Variants in PTPN6 observed in about 807,000 individuals in gnomAD.
The protein encoded by PTPN6 is protein tyrosine phosphatase non-receptor type 6, also known as tyrosine-protein phosphatase non-receptor type 6.
In PTPN6, 18 loss-of-function variants were observed where a neutral mutation model predicts 81.5. The observed-to-expected ratio is 0.22, with a 90% confidence interval of 0.15 to 0.33. The LOEUF is 0.33. Ranked by LOEUF, PTPN6 falls within the 10% of genes least tolerant of loss-of-function variation. The pLI is 1.00. For missense variants in PTPN6, 500 were observed against 794.2 expected (o/e 0.63, Z 4.45); for synonymous variants, 301 against 310.9 (o/e 0.97, Z 0.33).
upstream of PTPN6, among the ~76,000 whole-genome samples, chr12:6,948,281 T>G (rs1591680552): frequency 2.0e-5 from 3 of 151,782 alleles, no homozygotes; most frequent in East Asian, 3.9e-4. Context: ...CTACTACTAC[T>G]AATAAATAGC....
chr12:6,959,102 A>C lies in PTPN6; in HGVS notation c.1362-825A>C, dbSNP rs1270948343. ...CAGCTGTTTGTCCTGGGACAGGGCAAGTCGGCTGAATCTAGAGGTGCCCCC... is the reference window on the plus strand; with the variant it reads ...CAGCTGTTTGTCCTGGGACAGGGCACGTCGGCTGAATCTAGAGGTGCCCCC... On this transcript the variant is annotated intron_variant, in intron 11 of 15. Transcript: ENST00000318974. The surrounding 1 kb of genome is among the most constrained non-coding windows in gnomAD (Gnocchi z 6.6). Among the ~76,000 whole-genome samples, 2 of 152,198 alleles carry C rather than the reference A, an allele frequency of 1.3e-5. No homozygotes were observed. Among genetic ancestry groups the C allele is most frequent in the Non-Finnish European group, 2.9e-5 (2 of 68,042 alleles).
At position 6,957,633 on chromosome 12, in the gene PTPN6, CACCCG is replaced by C; in HGVS notation, c.1075-16_1075-12del. On this transcript the variant is annotated splice_polypyrimidine_tract_variant and intron_variant, in intron 9 of 15. Transcript: ENST00000318974. The surrounding 1 kb of genome is among the most constrained non-coding windows in gnomAD (Gnocchi z 6.5). ...AGTGCCCTGCTCTGTGCCTCATCCC[CACCCG>C]ACCCTCCCTTTCCAGAACAAATGCG... 6.3e-7 allele frequency: 1 copy of C among 1,596,538 alleles called. No homozygotes were observed. Among genetic ancestry groups the C allele is most frequent in the Non-Finnish European group, 8.6e-7 (1 of 1,167,804 alleles).
rs41301117 is a variant in PTPN6, at chr12:6,956,578, C to T, written c.1074+10C>T. The T allele has an allele frequency of 1.2e-6, 2 of 1,613,172 alleles. No homozygotes were observed. Among genetic ancestry groups the T allele is most frequent in the African/African-American group, 1.3e-5 (1 of 74,932 alleles). ...GGTGGAGAAAGGCCGGGTAGGGCGC[C>T]CCCCCTTCCCCGCATCCGCCCCCGT... On this transcript the variant is annotated intron_variant, in intron 9 of 15. Transcript: ENST00000318974. This position sits in a 1 kb window ranked among gnomAD's most constrained non-coding sequence, Gnocchi z 4.1.
chr12:6,951,658 G>T lies in PTPN6; in HGVS notation c.58G>T (p.Gly20Cys), dbSNP rs377003393. ...SGLDAETLLK[G>C]RGVHGSFLAR... is the part of the protein sequence containing the mutation. ...GCTGGATGCAGAGACCCTGCTCAAG[G>T]GCCGAGGTGTCCACGGTAGCTTCCT... The change falls in exon 2 of 16, where the codon GGC (glycine) becomes TGC (cysteine). Residue 20 changes from glycine to cysteine, a missense_variant. Physicochemically the swap from Gly to Cys is radical, Grantham distance 159 (BLOSUM62 -3). Coordinates refer to ENST00000318974, the MANE Select transcript of PTPN6 (RefSeq NM_002831.6). The surrounding 1 kb of genome is among the most constrained non-coding windows in gnomAD (Gnocchi z 7.2). 7.4e-6 allele frequency: 12 copies of T among 1,613,586 alleles called. No homozygotes were observed. Among genetic ancestry groups the T allele is most frequent in the African/African-American group, 1.3e-5 (1 of 74,808 alleles).
In PTPN6 at chr12:6,956,322, T is replaced by C. The variant is rs1946030060; in HGVS notation, c.925-97T>C. The C allele has an allele frequency of 1.2e-6, 2 of 1,611,134 alleles. No homozygotes were observed. The highest frequency in any genetic ancestry group is 1.7e-6 in the Non-Finnish European group (2 of 1,177,296). On this transcript the variant is annotated intron_variant, in intron 8 of 15. Transcript: ENST00000318974. This position sits in a 1 kb window ranked among gnomAD's most constrained non-coding sequence, Gnocchi z 4.1. ...AGAGACAGCTGGGCAAAGCCGAAGC[T>C]GGCTTCTTGCATGGGTGAGGGTGGC...
chr12:6,956,582 C>CG lies in PTPN6; in HGVS notation c.1074+14_1074+15insG, dbSNP rs1946036370. ...GAGAAAGGCCGGGTAGGGCGCCCCC[C>CG]CTTCCCCGCATCCGCCCCCGTGCTT... On this transcript the variant is annotated intron_variant, in intron 9 of 15. Transcript: ENST00000318974. This position sits in a 1 kb window ranked among gnomAD's most constrained non-coding sequence, Gnocchi z 4.1. The CG allele has an allele frequency of 1.2e-6, 2 of 1,611,180 alleles. No individual in the cohort carries two copies. The highest frequency in any genetic ancestry group is 1.4e-5 in the African/African-American group (1 of 73,048).
chr12:6,946,650 CTG>C (rs1215895768), upstream of PTPN6: 18 of 1,291,256 alleles, frequency 1.4e-5, no homozygotes, highest in South Asian at 2.4e-5. Flanking sequence ...GCTTGGGCCA[CTG>C]TGCACAGCTG....
At chr12:6,946,631 C>T, upstream of PTPN6, 1 of 1,053,192 alleles carries the variant, frequency 9.5e-7, no homozygotes. Context: ...AGCGGTTCTT[C>T]CTCACCTGGC....
chr12:6,950,876 G>T (rs2138256855), upstream of PTPN6, among the ~76,000 whole-genome samples: 1 of 152,270 alleles, frequency 6.6e-6, no homozygotes, highest in South Asian at 2.1e-4. Context: ...CAGGTTCCTT[G>T]TCTGTAAAAT....
chr12:6,948,529 AAG>A (rs1412242443), upstream of PTPN6, among the ~76,000 whole-genome samples: 1 of 151,664 alleles, frequency 6.6e-6, no homozygotes, highest in Non-Finnish European at 1.5e-5. Context: ...AGAAAGAAGA[AAG>A]AAAAGGAAGG....
Position 6,961,138 on chromosome 12 carries a change from C to A in PTPN6, c.*38C>A, listed in dbSNP as rs1946132497. 3.4e-6 allele frequency: 3 copies of A among 882,284 alleles called. No individual in the cohort carries two copies. The highest frequency in any genetic ancestry group is 2.7e-5 in the Admixed American group (1 of 37,376). 54.7% of individuals were successfully genotyped at this position (882,284 alleles called of 1,614,324 possible). A position where few individuals can be genotyped will look rare whatever the true frequency, so the allele number is the denominator to read the frequency against. On this transcript the variant is annotated 3_prime_UTR_variant, in exon 16 of 16. Coordinates refer to ENST00000318974, the MANE Select transcript of PTPN6 (RefSeq NM_002831.6). Reference sequence around the variant, plus strand: ...CTTCTCTTGGCAGCCTCAGCCCTGACCCTGTGGAAGCATTTCGCGATGGAC... The same window carrying A: ...CTTCTCTTGGCAGCCTCAGCCCTGAACCTGTGGAAGCATTTCGCGATGGAC...
Position 6,960,628 on chromosome 12 carries a change from G to A in PTPN6, c.1674-178G>A, listed in dbSNP as rs370156570. ...TGGGCCTCTGCTAGGTACCAGCAGC[G>A]CACTCGTGTATGAGATGTAGCCTCT... is the stretch of plus-strand genomic sequence containing the variant. On this transcript the variant is annotated intron_variant, in intron 14 of 15. Transcript: ENST00000318974. This position sits in a 1 kb window ranked among gnomAD's most constrained non-coding sequence, Gnocchi z 6.1. 2.3e-5 allele frequency: 35 copies of A among 1,519,542 alleles called. No individual in the cohort carries two copies. The highest frequency in any genetic ancestry group is 1.7e-4 in the Middle Eastern group (1 of 5,944). 94.1% of individuals were successfully genotyped at this position (1,519,542 alleles called of 1,614,324 possible).
upstream of PTPN6, among the ~76,000 whole-genome samples, chr12:6,948,449 AAGAG>A (rs1193487882): frequency 1.3e-3 from 199 of 151,036 alleles, 1 homozygote; most frequent in African/African-American, 2.7e-3. Context: ...AAAAAAAAAA[AAGAG>A]AGGGAAGGAA....
At chr12:6,948,563 GA>G (rs1336955662), upstream of PTPN6, among the ~76,000 whole-genome samples, 2 of 149,204 alleles carry the variant, frequency 1.3e-5, no homozygotes, top group African/African-American at 4.9e-5. Flanking sequence ...GAAAAGAAAG[GA>G]AAGAAAAAGA....
rs781903820 is a variant in PTPN6, at chr12:6,960,364, G to A, written c.1602G>A (p.Ser534=). Reference sequence around the variant, plus strand: ...CACAGTCGCAGAAGGGCCAGGAGTCGGAGTACGGGAACATCACCTATCCCC... The same window carrying A: ...CACAGTCGCAGAAGGGCCAGGAGTCAGAGTACGGGAACATCACCTATCCCC... The part of the protein sequence containing the change: ...EVLQSQKGQE[S]EYGNITYPPA... The change falls in exon 14 of 16, where the codon TCG becomes TCA. Residue 534 remains serine (S), a synonymous_variant. Transcript: ENST00000318974. The surrounding 1 kb of genome is among the most constrained non-coding windows in gnomAD (Gnocchi z 6.1). The A allele has an allele frequency of 1.3e-5, 21 of 1,613,508 alleles. No homozygotes were observed. Among genetic ancestry groups the A allele is most frequent in the Middle Eastern group, 1.6e-4 (1 of 6,084 alleles).
At position 6,951,637 on chromosome 12, in the gene PTPN6, GATGCAGA is replaced by G; in HGVS notation, c.38_44del (p.Asp13GlyfsTer35). On this transcript the variant is annotated frameshift_variant, in exon 2 of 16. Coordinates refer to ENST00000318974, the MANE Select transcript of PTPN6 (RefSeq NM_002831.6). LOFTEE classifies it high-confidence loss of function. The surrounding 1 kb of genome is among the most constrained non-coding windows in gnomAD (Gnocchi z 7.2). Reference sequence around the variant, plus strand: ...GTTTCACCGAGACCTCAGTGGGCTGGATGCAGAGACCCTGCTCAAGGGCCGAGGTGTC... The same window carrying G: ...GTTTCACCGAGACCTCAGTGGGCTGGGACCCTGCTCAAGGGCCGAGGTGTC... The G allele has an allele frequency of 6.2e-7, 1 of 1,613,732 alleles. No homozygotes were observed.
In PTPN6 at chr12:6,958,043, C is replaced by G; in HGVS notation, c.1331C>G (p.Pro444Arg). ...ATCAACCAGCGGCAGGAAAGTCTGC[C>G]TCACGCAGGGCCCATCATCGTGCAC... ...DQINQRQESL[P>R]HAGPIIVHCS... The change falls in exon 11 of 16, where the codon CCT becomes CGT. Residue 444 changes from proline to arginine, a missense_variant. By Grantham distance (103) the Pro-to-Arg change is moderately radical. Around this residue, in one of 6 missense-constraint regions of PTPN6, gnomAD observed 226 missense variants for 364.4 expected, o/e 0.62. Coordinates refer to ENST00000318974, the MANE Select transcript of PTPN6 (RefSeq NM_002831.6). 1 of 1,612,908 alleles carries G rather than the reference C, an allele frequency of 6.2e-7. No homozygotes were observed. Among genetic ancestry groups the G allele is most frequent in the South Asian group, 1.1e-5 (1 of 91,088 alleles).
chr12:6,956,703 G>T lies in PTPN6; in HGVS notation c.1074+135G>T. ...GCCCTTGTTGGGAAACTGAGGGCTA[G>T]TGACAAAGTCTCGACTACACAACGT... On this transcript the variant is annotated intron_variant, in intron 9 of 15. Transcript: ENST00000318974. This position sits in a 1 kb window ranked among gnomAD's most constrained non-coding sequence, Gnocchi z 4.1. The T allele has an allele frequency of 8.2e-7, 1 of 1,215,522 alleles. No homozygotes were observed. Among genetic ancestry groups the T allele is most frequent in the Non-Finnish European group, 1.2e-6 (1 of 858,862 alleles). 75.3% of individuals were successfully genotyped at this position (1,215,522 alleles called of 1,614,324 possible). A position where few individuals can be genotyped will look rare whatever the true frequency, so the allele number is the denominator to read the frequency against.
chr12:6,960,443 G>A lies in PTPN6; in HGVS notation c.1673+8G>A. The A allele has an allele frequency of 6.2e-7, 1 of 1,612,490 alleles. No individual in the cohort carries two copies. Among genetic ancestry groups the A allele is most frequent in the Non-Finnish European group, 8.5e-7 (1 of 1,178,986 alleles). On this transcript the variant is annotated splice_region_variant and intron_variant, in intron 14 of 15. Coordinates refer to ENST00000318974, the MANE Select transcript of PTPN6 (RefSeq NM_002831.6). This position sits in a 1 kb window ranked among gnomAD's most constrained non-coding sequence, Gnocchi z 6.1. ...CTCCCGCACCTCGTCCAAGTGAGTG[G>A]CCCTGACTGCCACTGCCCGGCATCC... is the stretch of plus-strand genomic sequence containing the variant.
Sources: gnomAD v4.1 joint callset for allele counts (sites outside exome capture counted in the v4.1 genomes callset) on GRCh38, gnomAD v4.1.1 for gene constraint, gnomAD v4.1.1 regional missense constraint, Gnocchi (gnomAD v3.1) non-coding constraint, MANE v1.5 for transcripts, NCBI Gene and HGNC (gene_info 2026-07-23, HGNC 2026-07-21) for gene names.